Variants in IL16 observed in about 807,000 individuals in gnomAD.
The protein encoded by IL16 is pro-interleukin-16.
IL16 carries 67 observed loss-of-function variants against 110.1 expected under a neutral mutation model. The observed-to-expected ratio is 0.61, with a 90% CI of 0.50 to 0.75. The LOEUF (loss-of-function observed/expected upper bound fraction) is 0.75. Ranked by LOEUF, IL16 falls within the 30% of genes least tolerant of loss-of-function variation. The probability of loss-of-function intolerance (pLI) is 0.00; values close to 1 mark genes in which losing one functional copy is unlikely to be tolerated. For missense variants in IL16, 1,545 were observed against 1,655.0 expected (o/e 0.93, Z 1.15); for synonymous variants, 689 against 662.9 (o/e 1.04, Z -0.61).
At chr15:81,191,168 G>T (rs1595932290) in intron 1 of IL16, among the ~76,000 whole-genome samples, 1 of 152,170 alleles carries the variant, frequency 6.6e-6, no homozygotes, top group African/African-American at 2.4e-5. Flanking sequence ...TTGTTTTAGA[G>T]CCATGAATTA....
chr15:81,193,509 T>A (rs1205681913), upstream of IL16, among the ~76,000 whole-genome samples: 1 of 152,080 alleles, frequency 6.6e-6, no homozygotes, highest in Non-Finnish European at 1.5e-5. Flanking sequence ...ATTGTAAGTA[T>A]CTTAGTGATG....
chr15:81,202,211 A>G (rs73497399), intron 1 of IL16, among the ~76,000 whole-genome samples: 21,054 of 152,182 alleles, frequency 0.14, 1,919 homozygotes, highest in East Asian at 0.38. Flanking sequence ...GAAATATGAC[A>G]GACAGACTCT....
chr15:81,298,820 A>G (rs1046281096), intron 13 of IL16, among the ~76,000 whole-genome samples: 1 of 152,202 alleles, frequency 6.6e-6, no homozygotes, highest in Admixed American at 6.5e-5. Flanking sequence ...GGTGAGAGGG[A>G]GCGTGAAGAG....
Position 81,290,454 on chromosome 15 carries a change from T to A in IL16, c.1334T>A (p.Val445Asp), listed in dbSNP as rs1000400269. 1 of 1,611,072 alleles carries A rather than the reference T, an allele frequency of 6.2e-7. No homozygotes were observed. The highest frequency in any genetic ancestry group is 8.5e-7 in the Non-Finnish European group (1 of 1,178,412). The change falls in exon 11 of 19, where the codon GTC (valine) becomes GAC (aspartate). Residue 445 changes from valine to aspartate, a missense_variant and splice_region_variant. Val to Asp is a radical substitution (Grantham distance 152). Transcript: ENST00000683961. ...IIVSRHPDPQ[V>D]SEQQLKEAVA... ...GAGGAGATGACTGATATTTTCTAGG[T>A]CTCTGAACAGCAACTCAAAGAAGCT...
Position 81,205,305 on chromosome 15 carries a change from C to CA in IL16, c.-102+8169dup, listed in dbSNP as rs57956143. On this transcript the variant is annotated intron_variant, in intron 1 of 18. Coordinates refer to ENST00000683961, the MANE Select transcript of IL16 (RefSeq NM_172217.5). ...TAGATGACAGAGCAAGACTCCATCT[C>CA]AAAAAAAAAAAAAAAATCTTGAGAG... 1.1e-3 allele frequency among the ~76,000 whole-genome samples: 147 copies of CA among 132,524 alleles called. 1 individual carries two copies. The Middle Eastern group carries it at 0.017, about 15-fold the overall frequency. The allele number at this position is 132,524 out of a possible 152,430, so 86.9% of individuals were successfully genotyped here.
rs771676934 is a variant in IL16 at position 81,299,951 on chromosome 15, T to G, written c.2625T>G (p.Leu875=). 6.2e-7 allele frequency: 1 copy of G among 1,611,230 alleles called. No homozygotes were observed. Among genetic ancestry groups the G allele is most frequent in the East Asian group, 2.2e-5 (1 of 44,832 alleles). Residue 875 remains leucine, a synonymous_variant, in exon 14 of 19, where the codon CTT becomes CTG. Transcript: ENST00000683961. The part of the protein sequence containing the change: ...QPSSGEAAKP[L]GKHEEGRFSG... ...CCTCTGGGGAGGCAGCAAAACCTCT[T>G]GGGAAGCATGAGGAAGGACGGTTTT...
intron 14 of IL16, 29 bp from the exon 15 acceptor site, chr15:81,301,315 A>G: frequency 6.3e-7 from 1 of 1,576,432 alleles, no homozygotes; most frequent in Non-Finnish European, 8.6e-7. Flanking sequence ...ATTGTTGTTC[A>G]TACTGTGTGT....
At chr15:81,252,357 C>T (rs78139273) in intron 2 of IL16, among the ~76,000 whole-genome samples, 10,766 of 152,094 alleles carry the variant, frequency 0.071, 514 homozygotes, top group South Asian at 0.11. Context: ...TCATGGGTAG[C>T]ATTTGCATTT....
At chr15:81,239,725 TC>T (rs1372856145) in intron 2 of IL16, among the ~76,000 whole-genome samples, 3 of 152,194 alleles carry the variant, frequency 2.0e-5, no homozygotes, top group Non-Finnish European at 4.4e-5. Flanking sequence ...TTGCTGGTCT[TC>T]CTCCTTTCCT....
chr15:81,258,826 A>G (rs1271018247), intron 2 of IL16, among the ~76,000 whole-genome samples: 1 of 152,178 alleles, frequency 6.6e-6, no homozygotes, highest in Non-Finnish European at 1.5e-5. Flanking sequence ...ACACACACAC[A>G]AGGATTATGG....
intron 1 of IL16, among the ~76,000 whole-genome samples, chr15:81,211,311 G>A (rs1241460418): frequency 6.6e-6 from 1 of 151,838 alleles, no homozygotes; most frequent in Admixed American, 6.6e-5. Flanking sequence ...GAGTGCAGTG[G>A]TGCAATCTCT....
At chr15:81,201,022 A>T (rs1895792006) in intron 1 of IL16, among the ~76,000 whole-genome samples, 1 of 152,162 alleles carries the variant, frequency 6.6e-6, no homozygotes, top group African/African-American at 2.4e-5. Flanking sequence ...CAAAGTGCAG[A>T]TGCCAGAGAA....
In IL16 at chr15:81,279,602, G is replaced by T. The variant is rs1169857181; in HGVS notation, c.909G>T (p.Leu303=). Residue 303 remains leucine, a synonymous_variant, in exon 8 of 19, where the codon CTG becomes CTT. Transcript: ENST00000683961. Reference sequence around the variant, plus strand: ...TCACCCTCACCGTGAGAACCCGCCTGACGGCGCCTCCTTCCCTGTGCAGCC... The same window carrying T: ...TCACCCTCACCGTGAGAACCCGCCTTACGGCGCCTCCTTCCCTGTGCAGCC... ...GLLTLTVRTR[L]TAPPSLCSHL... 1.9e-6 allele frequency: 3 copies of T among 1,613,972 alleles called. No homozygotes were observed. In the East Asian group the frequency reaches 6.7e-5, roughly 36 times the overall value.
At chr15:81,284,004 GAAAAAAA>G (rs565288106) in intron 9 of IL16, among the ~76,000 whole-genome samples, 2 of 82,704 alleles carry the variant, frequency 2.4e-5, no homozygotes, top group African/African-American at 4.4e-5. Context: ...CCCTGTCTCA[GAAAAAAA>G]AAAAAAAAAA....
At chr15:81,291,910 T>A in intron 11 of IL16, 2 of 456,070 alleles carry the variant, frequency 4.4e-6, no homozygotes, top group African/African-American at 2.0e-5. Flanking sequence ...AAAATTATCA[T>A]CCTCATTTTA....
intron 3 of IL16, among the ~76,000 whole-genome samples, chr15:81,261,685 T>C (rs963504308): frequency 1.3e-5 from 2 of 152,052 alleles, no homozygotes; most frequent in African/African-American, 4.8e-5. Context: ...TGTGTATGGC[T>C]CCTTTACCCA....
intron 8 of IL16, among the ~76,000 whole-genome samples, chr15:81,282,287 C>T (rs571877154): frequency 1.3e-5 from 2 of 152,198 alleles, no homozygotes; most frequent in Non-Finnish European, 2.9e-5. Flanking sequence ...GGTGTCTCCT[C>T]TGAGGCCTGA....
chr15:81,267,515 G>A (rs1365001874), intron 4 of IL16, among the ~76,000 whole-genome samples: 3 of 120,996 alleles, frequency 2.5e-5, no homozygotes, highest in Non-Finnish European at 5.0e-5. Context: ...CAGAGAGAGC[G>A]AGAGACTGAT....
At chr15:81,296,402 A>G (rs902390027) in intron 12 of IL16, among the ~76,000 whole-genome samples, 1 of 152,228 alleles carries the variant, frequency 6.6e-6, no homozygotes, top group Non-Finnish European at 1.5e-5. Context: ...GAGGGGAGCA[A>G]TGGCACAGGT....
Sources: allele counts gnomAD v4.1 joint callset (sites outside exome capture counted in the v4.1 genomes callset), GRCh38; gene constraint gnomAD v4.1.1; transcripts MANE v1.5; gene names NCBI Gene and HGNC (gene_info 2026-07-23, HGNC 2026-07-21).